Variants in TMEM63C observed in about 807,000 individuals in gnomAD.
TMEM63C encodes the protein osmosensitive cation channel TMEM63C.
A neutral mutation model predicts 99.2 loss-of-function variants in TMEM63C; 32 were observed. That is an observed-to-expected ratio of 0.32 (90% CI 0.24 to 0.43). The LOEUF (loss-of-function observed/expected upper bound fraction) is 0.43. Ranked by LOEUF, TMEM63C falls within the 20% of genes least tolerant of loss-of-function variation. The probability of loss-of-function intolerance (pLI) is 1.00; values close to 1 mark genes in which losing one functional copy is unlikely to be tolerated. For synonymous variants in TMEM63C, 376 were observed against 397.9 expected (o/e 0.94, Z 0.66); for missense variants, 826 against 1,053.0 (o/e 0.78, Z 2.98).
chr14:77,235,281 G>T (rs779410744), intron 8 of TMEM63C, among the ~76,000 whole-genome samples: 3 of 150,702 alleles, frequency 2.0e-5, no homozygotes, highest in Non-Finnish European at 4.4e-5. Context: ...AGGGGTCCAG[G>T]GAGATTGTGA....
chr14:77,193,955 G>A lies in TMEM63C; in HGVS notation c.-77+12061G>A, dbSNP rs143906353. Among the ~76,000 whole-genome samples the A allele has an allele frequency of 3.1e-3, 465 of 152,216 alleles. 3 individuals carry two copies. Among genetic ancestry groups the A allele is most frequent in the African/African-American group, 0.011 (440 of 41,534 alleles). On this transcript the variant is annotated intron_variant, in intron 1 of 23. Coordinates refer to ENST00000298351, the MANE Select transcript of TMEM63C (RefSeq NM_020431.4). The stretch of plus-strand genomic sequence containing the variant: ...GTTGAGGCTACTGTGAGCTGGGATC[G>A]TACCACTGCACTCCAGCCTGGGCAA...
chr14:77,205,845 C>T (rs1475656273), intron 1 of TMEM63C, among the ~76,000 whole-genome samples: 1 of 151,266 alleles, frequency 6.6e-6, no homozygotes. Flanking sequence ...TGCAGAAGCT[C>T]GGGCCTTGGC....
intron 2 of TMEM63C, among the ~76,000 whole-genome samples, chr14:77,216,129 A>AGG (rs1037739786): frequency 4.1e-5 from 6 of 146,348 alleles, no homozygotes; most frequent in Non-Finnish European, 7.4e-5. Flanking sequence ...GGAGGGAGGG[A>AGG]GAGAGAGAGA....
At chr14:77,183,300 G>T (rs1042509209) in intron 1 of TMEM63C, among the ~76,000 whole-genome samples, 3 of 152,324 alleles carry the variant, frequency 2.0e-5, no homozygotes, top group African/African-American at 7.2e-5. Context: ...CAGTCCCAGC[G>T]CTGAGAAGCT....
chr14:77,188,887 G>A (rs1888051915), intron 1 of TMEM63C, among the ~76,000 whole-genome samples: 2 of 151,990 alleles, frequency 1.3e-5, no homozygotes, highest in African/African-American at 4.8e-5. Flanking sequence ...CTCAATATCT[G>A]CAAGAATAGA....
At position 77,190,347 on chromosome 14, in the gene TMEM63C, A is replaced by G. The variant is rs181793076; in HGVS notation, c.-77+8453A>G. 4.0e-3 allele frequency among the ~76,000 whole-genome samples: 609 copies of G among 152,326 alleles called. 7 individuals carry two copies. Among genetic ancestry groups the G allele is most frequent in the Non-Finnish European group, 6.3e-3 (427 of 68,016 alleles). ...CTAGTTTCTATCAAACCTCCAAGGC[A>G]CAGATAATGCCAATGTTATTTAAAC... On this transcript the variant is annotated intron_variant, in intron 1 of 23. Transcript: ENST00000298351.
At chr14:77,183,158 C>T (rs1416460299) in intron 1 of TMEM63C, among the ~76,000 whole-genome samples, 1 of 152,076 alleles carries the variant, frequency 6.6e-6, no homozygotes, top group Non-Finnish European at 1.5e-5. Flanking sequence ...GAGCCAGAGC[C>T]AGATGAGGAA....
At chr14:77,243,765 G>A (rs419869) in intron 15 of TMEM63C, among the ~76,000 whole-genome samples, 9,761 of 152,006 alleles carry the variant, frequency 0.064, 432 homozygotes, top group Admixed American at 0.1. Context: ...ATGTGCATGC[G>A]CACATGCACA....
chr14:77,248,721 C>A, intron 19 of TMEM63C, 46 bp from the exon 20 acceptor site: 1 of 1,583,854 alleles, frequency 6.3e-7, no homozygotes, highest in Non-Finnish European at 8.7e-7. Flanking sequence ...GTAGTCAAGC[C>A]AAGGGGACTG....
intron 6 of TMEM63C, 45 bp downstream of exon 6, chr14:77,225,506 G>A (rs1354872114): frequency 1.2e-6 from 2 of 1,607,704 alleles, no homozygotes; most frequent in South Asian, 1.1e-5. Flanking sequence ...TTGCCTTGGG[G>A]GTGGGGGGTG....
intron 1 of TMEM63C, among the ~76,000 whole-genome samples, chr14:77,194,380 GTGTATGT>G (rs1888167961): frequency 1.0e-5 from 1 of 97,988 alleles, no homozygotes; most frequent in African/African-American, 3.3e-5. Context: ...GTGTGTGTGT[GTGTATGT>G]TCATATTTCT....
chr14:77,229,613 A>AAT (rs149146698), intron 6 of TMEM63C, among the ~76,000 whole-genome samples: 3,600 of 117,802 alleles, frequency 0.031, 186 homozygotes, highest in African/African-American at 0.084. Context: ...ACACCCAGCT[A>AAT]ATATATATAT....
chr14:77,194,336 A>ATGTGTGTGTGTG (rs36201483), intron 1 of TMEM63C, among the ~76,000 whole-genome samples: 4 of 87,560 alleles, frequency 4.6e-5, no homozygotes, highest in African/African-American at 2.4e-4. Flanking sequence ...ATATATATAT[A>ATGTGTGTGTGTG]TGTGTGTGTG....
chr14:77,183,166 G>A (rs972523749), intron 1 of TMEM63C, among the ~76,000 whole-genome samples: 9 of 152,128 alleles, frequency 5.9e-5, no homozygotes, highest in Non-Finnish European at 1.3e-4. Context: ...GCCAGATGAG[G>A]AAACTGAGGC....
chr14:77,182,814 T>C (rs1887936758), intron 1 of TMEM63C, among the ~76,000 whole-genome samples: 1 of 152,108 alleles, frequency 6.6e-6, no homozygotes, highest in South Asian at 2.1e-4. Context: ...TGTGCTGTTC[T>C]TGTGGGTTCA....
intron 5 of TMEM63C, among the ~76,000 whole-genome samples, chr14:77,221,343 C>T (rs182148054): frequency 1.6e-5 from 1 of 63,590 alleles, no homozygotes; most frequent in Non-Finnish European, 2.7e-5. Context: ...CACTCACGCC[C>T]CCTCCCACTC....
At chr14:77,194,875 C>G (rs1454585147) in intron 1 of TMEM63C, among the ~76,000 whole-genome samples, 1 of 151,970 alleles carries the variant, frequency 6.6e-6, no homozygotes, top group Non-Finnish European at 1.5e-5. Flanking sequence ...AGCCACCATG[C>G]CTAGCGTGGA....
intron 1 of TMEM63C, among the ~76,000 whole-genome samples, chr14:77,204,419 G>A (rs759850357): frequency 6.6e-6 from 1 of 152,180 alleles, no homozygotes; most frequent in Non-Finnish European, 1.5e-5. Flanking sequence ...TCTGTGGAAG[G>A]AGGGCTTAAG....
intron 23 of TMEM63C, among the ~76,000 whole-genome samples, chr14:77,253,633 G>C (rs951359300): frequency 6.6e-6 from 1 of 152,230 alleles, no homozygotes; most frequent in African/African-American, 2.4e-5. Context: ...TAGAGAGGAA[G>C]TACTTGGTCA....
Sources: allele counts gnomAD v4.1 joint callset (sites outside exome capture counted in the v4.1 genomes callset), GRCh38; gene constraint gnomAD v4.1.1; transcripts MANE v1.5; gene names NCBI Gene and HGNC (gene_info 2026-07-23, HGNC 2026-07-21).